KANK1: variants seen among roughly 807,000 people sequenced by gnomAD.
KANK1 encodes KN motif and ankyrin repeat domain-containing protein 1.
A neutral mutation model predicts 106.2 loss-of-function variants in KANK1; 109 were observed. The ratio of observed to expected loss-of-function variants is 1.03; its 90% CI spans 0.88 to 1.20. KANK1 has a LOEUF of 1.20. Among genes scored for constraint, KANK1 ranks in the 50% most tolerant of loss-of-function variants. The probability of loss-of-function intolerance (pLI) is 0.00; values close to 1 mark genes in which losing one functional copy is unlikely to be tolerated. For missense variants in KANK1, 2,399 were observed against 1,710.7 expected (o/e 1.40, Z -7.10); for synonymous variants, 873 against 652.2 (o/e 1.34, Z -5.16).
intron 2 of KANK1, among the ~76,000 whole-genome samples, chr9:708,616 G>A (rs891048257): frequency 3.3e-5 from 5 of 152,136 alleles, no homozygotes; most frequent in Non-Finnish European, 5.9e-5. Flanking sequence ...GGAAGAAAGC[G>A]GGCAGATGGA....
intron 1 of KANK1, among the ~76,000 whole-genome samples, chr9:656,207 C>T (rs1207744810): frequency 2.0e-5 from 3 of 152,144 alleles, no homozygotes; most frequent in Non-Finnish European, 2.9e-5. Context: ...GTCCCACAGT[C>T]TGGCGCCTTT....
At chr9:722,610 A>C (rs61001605) in intron 3 of KANK1, among the ~76,000 whole-genome samples, 3,629 of 152,254 alleles carry the variant, frequency 0.024, 152 homozygotes, top group African/African-American at 0.082. Context: ...AGTTCAGAGA[A>C]TTGTTTATAG....
At chr9:728,682 A>G (rs1831398514) in intron 3 of KANK1, among the ~76,000 whole-genome samples, 1 of 152,234 alleles carries the variant, frequency 6.6e-6, no homozygotes, top group African/African-American at 2.4e-5. Flanking sequence ...AGTGACGTTT[A>G]CCATCTATGT....
intron 1 of KANK1, among the ~76,000 whole-genome samples, chr9:631,660 C>G (rs1183853733): frequency 6.6e-6 from 1 of 152,210 alleles, no homozygotes; most frequent in Non-Finnish European, 1.5e-5. Flanking sequence ...CTTTCAGTGA[C>G]TCCTGCTGCT....
intron 1 of KANK1, among the ~76,000 whole-genome samples, chr9:667,284 T>G (rs978492563): frequency 9.2e-5 from 14 of 152,088 alleles, no homozygotes; most frequent in African/African-American, 3.4e-4. Context: ...GTATCTTTTT[T>G]GTTTCTGATT....
chr9:724,757 G>C (rs569827956), intron 3 of KANK1, among the ~76,000 whole-genome samples: 11 of 151,678 alleles, frequency 7.3e-5, no homozygotes, highest in African/African-American at 2.7e-4. Context: ...AGCAGAGATC[G>C]CGCCACTGCA....
rs550990252 is a variant in KANK1, at chr9:608,034, A to ATTATT, written c.-83-68854_-83-68853insATTTT. On this transcript the variant is annotated intron_variant, in intron 1 of 11. Coordinates refer to ENST00000382297, the MANE Select transcript of KANK1 (RefSeq NM_015158.5). ...CAGAATTATTATTATTATTATTATT[A>ATTATT]TTTTTTTTTTTTTTGAGACGGAGTC... Among the ~76,000 whole-genome samples, 281 of 115,304 alleles carry ATTATT rather than the reference A, an allele frequency of 2.4e-3. 3 individuals are homozygous for ATTATT. Among genetic ancestry groups the ATTATT allele is most frequent in the African/African-American group, 9.3e-3 (249 of 26,878 alleles). 75.6% of individuals were successfully genotyped at this position (115,304 alleles called of 152,430 possible). A position where few individuals can be genotyped will look rare whatever the true frequency, so the allele number is the denominator to read the frequency against.
chr9:685,735 T>C (rs1400916649), intron 2 of KANK1, among the ~76,000 whole-genome samples: 3 of 152,256 alleles, frequency 2.0e-5, no homozygotes, highest in African/African-American at 7.2e-5. Flanking sequence ...AAAAGTTTTC[T>C]CTCAGGGATC....
At chr9:472,441 G>GGACCCAGTTGCT (rs57500851) in intron 2 of KANK1, among the ~76,000 whole-genome samples, 1 of 152,136 alleles carries the variant, frequency 6.6e-6, no homozygotes. Flanking sequence ...AGCTCTCTCA[G>GGACCCAGTTGCT]GACCCAGTTG....
intron 1 of KANK1, among the ~76,000 whole-genome samples, chr9:614,172 CAA>C (rs2136218117): frequency 6.6e-6 from 1 of 152,224 alleles, no homozygotes; most frequent in Non-Finnish European, 1.5e-5. Context: ...GAGTTACTGA[CAA>C]GAGTTCACAA....
At chr9:607,351 G>A (rs761763200) in intron 1 of KANK1, among the ~76,000 whole-genome samples, 2 of 151,506 alleles carry the variant, frequency 1.3e-5, no homozygotes, top group African/African-American at 4.9e-5. Context: ...CTGGTGTGGC[G>A]ACGCACACCT....
rs951647426 is a variant in KANK1 at position 594,794 on chromosome 9, C to G, written c.-83-82096C>G. Among the ~76,000 whole-genome samples the G allele has an allele frequency of 2.6e-5, 4 of 151,718 alleles. 1 individual carries two copies. Among genetic ancestry groups the G allele is most frequent in the Non-Finnish European group, 5.9e-5 (4 of 68,010 alleles). Reference sequence around the variant, plus strand: ...AATGACACTTTAAATGAGGAGAAGGCTTTTAAAACCAAATATAAAAATCTG... The same window carrying G: ...AATGACACTTTAAATGAGGAGAAGGGTTTTAAAACCAAATATAAAAATCTG... On this transcript the variant is annotated intron_variant, in intron 1 of 11. Transcript: ENST00000382297.
chr9:581,033 C>T (rs991913677), intron 1 of KANK1, among the ~76,000 whole-genome samples: 14 of 151,880 alleles, frequency 9.2e-5, no homozygotes, highest in African/African-American at 3.4e-4. Flanking sequence ...CCCTCACTGC[C>T]CAGGGGCCGG....
At chr9:588,875 G>C (rs1436475828) in intron 1 of KANK1, among the ~76,000 whole-genome samples, 1 of 152,164 alleles carries the variant, frequency 6.6e-6, no homozygotes, top group African/African-American at 2.4e-5. Context: ...TATGTGTTCA[G>C]TAATTGTTGG....
chr9:512,251 A>G (rs113902820), intron 1 of KANK1, among the ~76,000 whole-genome samples: 13 of 110,622 alleles, frequency 1.2e-4, no homozygotes, highest in East Asian at 4.1e-4. Flanking sequence ...GTGTGTGTGT[A>G]TGTATATACA....
intron 2 of KANK1, chr9:470,702 C>T (rs866673085): frequency 6.6e-6 from 1 of 152,296 alleles, no homozygotes; most frequent in African/African-American, 2.4e-5. Flanking sequence ...AGGCCCCACC[C>T]TCCATTACAC....
intron 1 of KANK1, among the ~76,000 whole-genome samples, chr9:519,398 A>G (rs2059446457): frequency 6.6e-6 from 1 of 151,696 alleles, no homozygotes; most frequent in Non-Finnish European, 1.5e-5. Context: ...TAATTCTTGT[A>G]TATTTTCATA....
At chr9:635,435 A>T (rs1449475410) in intron 1 of KANK1, among the ~76,000 whole-genome samples, 3 of 152,104 alleles carry the variant, frequency 2.0e-5, no homozygotes, top group African/African-American at 7.2e-5. Context: ...CTTCGTAGAG[A>T]ACCACAGACC....
chr9:493,910 T>C (rs1287569084), intron 3 of KANK1, among the ~76,000 whole-genome samples: 1 of 149,232 alleles, frequency 6.7e-6, no homozygotes, highest in Non-Finnish European at 1.5e-5. Context: ...TGAGATGGAG[T>C]CTTGCTTTGT....
Sources: allele counts gnomAD v4.1 joint callset (sites outside exome capture counted in the v4.1 genomes callset), GRCh38; gene constraint gnomAD v4.1.1; transcripts MANE v1.5; gene names NCBI Gene and HGNC (gene_info 2026-07-23, HGNC 2026-07-21).